The following GPR158 variants were observed in gnomAD, a reference collection of about 807,000 sequenced individuals.
The protein encoded by GPR158 is G protein-coupled receptor 158.
Under a neutral mutation model 78.2 loss-of-function variants are expected in GPR158, and 30 were observed. The observed-to-expected ratio is 0.38, with a 90% CI of 0.29 to 0.52. The LOEUF is 0.52. Ranked by LOEUF, GPR158 falls within the 20% of genes least tolerant of loss-of-function variation. The probability of loss-of-function intolerance (pLI) is 0.83; values close to 1 mark genes in which losing one functional copy is unlikely to be tolerated. For missense variants in GPR158, 1,463 were observed against 1,523.5 expected (o/e 0.96, Z 0.66); for synonymous variants, 581 against 591.1 (o/e 0.98, Z 0.25).
At chr10:25,188,358 G>A (rs1424855381) in intron 1 of GPR158, among the ~76,000 whole-genome samples, 1 of 152,198 alleles carries the variant, frequency 6.6e-6, no homozygotes, top group Non-Finnish European at 1.5e-5. Context: ...AAAGCTGGAG[G>A]CATCATGCCA....
chr10:25,253,962 G>A (rs1159134429), intron 2 of GPR158, among the ~76,000 whole-genome samples: 4 of 152,290 alleles, frequency 2.6e-5, no homozygotes, highest in African/African-American at 9.6e-5. Context: ...CAAAACAACT[G>A]TCTCAGTCTA....
chr10:25,177,238 G>A (rs1449469925), intron 1 of GPR158, among the ~76,000 whole-genome samples: 1 of 152,148 alleles, frequency 6.6e-6, no homozygotes, highest in East Asian at 1.9e-4. Flanking sequence ...CTTCTGCCTG[G>A]GAAGTGCCTG....
chr10:25,492,493 A>G (rs1456018819), intron 5 of GPR158, among the ~76,000 whole-genome samples: 1 of 152,094 alleles, frequency 6.6e-6, no homozygotes, highest in Admixed American at 6.6e-5. Flanking sequence ...AATTAGTGAA[A>G]GAGCTGTTCT....
At chr10:25,211,111 A>T (rs1564392421) in intron 1 of GPR158, among the ~76,000 whole-genome samples, 1 of 151,702 alleles carries the variant, frequency 6.6e-6, no homozygotes, top group African/African-American at 2.4e-5. Context: ...CAGTCTGGTG[A>T]CAGAGGGAGA....
chr10:25,450,723 T>C (rs1835204794), intron 4 of GPR158, among the ~76,000 whole-genome samples: 1 of 152,186 alleles, frequency 6.6e-6, no homozygotes, highest in African/African-American at 2.4e-5. Context: ...CCTCTCTTCC[T>C]TCCTTCTTCC....
chr10:25,519,868 C>T (rs1478832451), intron 5 of GPR158, among the ~76,000 whole-genome samples: 4 of 75,882 alleles, frequency 5.3e-5, no homozygotes, highest in African/African-American at 3.0e-4. Flanking sequence ...TTGCTCCTCT[C>T]GAGGAGTATC....
At chr10:25,569,604 C>T (rs1836977816) in intron 6 of GPR158, among the ~76,000 whole-genome samples, 2 of 152,186 alleles carry the variant, frequency 1.3e-5, no homozygotes, top group Non-Finnish European at 2.9e-5. Flanking sequence ...TGCTTCCTGC[C>T]AACCAGTTCC....
At chr10:25,301,430 A>G (rs1449066696) in intron 2 of GPR158, among the ~76,000 whole-genome samples, 1 of 152,200 alleles carries the variant, frequency 6.6e-6, no homozygotes, top group African/African-American at 2.4e-5. Context: ...ATTCCTTATT[A>G]CAGTTCAATG....
chr10:25,305,091 T>A (rs1854651834), intron 2 of GPR158, among the ~76,000 whole-genome samples: 1 of 152,184 alleles, frequency 6.6e-6, no homozygotes. Context: ...TTGAAAATAA[T>A]CATCCTATAG....
rs142817687 is a variant in GPR158 at position 25,343,321 on chromosome 10, C to T, written c.1009-52590C>T. 3.3e-3 allele frequency among the ~76,000 whole-genome samples: 508 copies of T among 151,962 alleles called. 3 individuals carry two copies. Among genetic ancestry groups the T allele is most frequent in the African/African-American group, 0.012 (489 of 41,520 alleles). On this transcript the variant is annotated intron_variant, in intron 2 of 10. Transcript: ENST00000376351. ...CAGATGACTAAAATCGGATAAGTTT[C>T]CTGATTCACTTAATTTTGTTCAACC...
intron 2 of GPR158, among the ~76,000 whole-genome samples, chr10:25,268,856 A>C (rs942945648): frequency 1.3e-5 from 2 of 152,172 alleles, no homozygotes; most frequent in Non-Finnish European, 2.9e-5. Context: ...AATACTATAT[A>C]AAAGCTGTGT....
rs998321505 is a variant in GPR158, at chr10:25,397,867, T to C, written c.1111+1854T>C. Among the ~76,000 whole-genome samples, 5 of 152,118 alleles carry C rather than the reference T, an allele frequency of 3.3e-5. No individual in the cohort carries two copies. The South Asian group carries it at 6.2e-4, about 19-fold the overall frequency. On this transcript the variant is annotated intron_variant, in intron 3 of 10. Coordinates refer to ENST00000376351, the MANE Select transcript of GPR158 (RefSeq NM_020752.3). The stretch of plus-strand genomic sequence containing the variant: ...GAGAGTGAGGATATAGTCACTTTTG[T>C]GATTATATTATTTTATCTAAGACTC...
chr10:25,589,963 T>G (rs776963565), intron 8 of GPR158, among the ~76,000 whole-genome samples: 12 of 152,140 alleles, frequency 7.9e-5, no homozygotes, highest in Non-Finnish European at 1.8e-4. Flanking sequence ...TTAAGAAAAT[T>G]AGAGATGTTG....
chr10:25,385,504 A>G (rs531491349), intron 2 of GPR158, among the ~76,000 whole-genome samples: 1 of 152,254 alleles, frequency 6.6e-6, no homozygotes, highest in African/African-American at 2.4e-5. Context: ...GCAAGACCAT[A>G]TAGTAATTCT....
At chr10:25,441,449 T>G (rs972354469) in intron 4 of GPR158, among the ~76,000 whole-genome samples, 1 of 152,250 alleles carries the variant, frequency 6.6e-6, no homozygotes, top group Non-Finnish European at 1.5e-5. Flanking sequence ...ATTTAGTCAC[T>G]ATTATTAGAC....
chr10:25,245,514 T>C lies in GPR158; in HGVS notation c.1008+24357T>C, dbSNP rs561150717. ...TTCACATGAAACTGAATTCTAGTTC[T>C]GTTGTGTATGAGTGTGTGTTGGGGG... On this transcript the variant is annotated intron_variant, in intron 2 of 10. Transcript: ENST00000376351. Among the ~76,000 whole-genome samples the C allele has an allele frequency of 8.5e-5, 13 of 152,340 alleles. No individual in the cohort carries two copies. The South Asian group carries it at 2.5e-3, about 29-fold the overall frequency.
intron 8 of GPR158, among the ~76,000 whole-genome samples, chr10:25,592,708 T>C (rs888549794): frequency 7.9e-5 from 12 of 152,020 alleles, no homozygotes; most frequent in African/African-American, 2.9e-4. Context: ...TTAAAGTTTA[T>C]TTGGTTTGCA....
At chr10:25,274,878 T>C (rs1450984962) in intron 2 of GPR158, among the ~76,000 whole-genome samples, 1 of 152,206 alleles carries the variant, frequency 6.6e-6, no homozygotes, top group Non-Finnish European at 1.5e-5. Context: ...TTCTGACTTT[T>C]GTGTGTGCTA....
intron 5 of GPR158, among the ~76,000 whole-genome samples, chr10:25,540,941 T>TAAAAA (rs1186802503): frequency 9.4e-5 from 6 of 63,686 alleles, no homozygotes; most frequent in African/African-American, 3.7e-4. Flanking sequence ...TAAAGTATAA[T>TAAAAA]AAAAATATAT....
Sources: gnomAD v4.1 joint callset for allele counts (sites outside exome capture counted in the v4.1 genomes callset) on GRCh38, gnomAD v4.1.1 for gene constraint, MANE v1.5 for transcripts, NCBI Gene and HGNC (gene_info 2026-07-23, HGNC 2026-07-21) for gene names.